Variants in TBC1D12 observed in about 807,000 individuals in gnomAD.
The protein encoded by TBC1D12 is TBC1 domain family member 12.
TBC1D12 carries 56 observed loss-of-function variants against 86.7 expected under a neutral mutation model. That is an observed-to-expected ratio of 0.65 (90% CI 0.52 to 0.81). TBC1D12 has a LOEUF of 0.81. TBC1D12 is among the 30% of genes least tolerant of loss of function. The pLI, the probability that TBC1D12 is intolerant of heterozygous loss-of-function variation, is 0.00. For missense variants in TBC1D12, 1,023 were observed against 1,038.8 expected, an observed-to-expected ratio of 0.98 and a Z score of 0.21; for synonymous variants, 421 against 411.7, an observed-to-expected ratio of 1.02 and a Z score of -0.27.
chr10:94,497,515 C>CTT (rs34789814), intron 5 of TBC1D12, among the ~76,000 whole-genome samples: 541 of 98,056 alleles, frequency 5.5e-3, no homozygotes, highest in Non-Finnish European at 6.7e-3. Context: ...TCTGCTAAAT[C>CTT]TTTTTTTTTT....
chr10:94,471,975 A>C (rs2055913933), intron 2 of TBC1D12, among the ~76,000 whole-genome samples: 1 of 152,174 alleles, frequency 6.6e-6, no homozygotes, highest in Admixed American at 6.5e-5. Flanking sequence ...TGTATACTTC[A>C]TATTGCATCA....
At chr10:94,465,772 A>G (rs1235066946) in intron 2 of TBC1D12, among the ~76,000 whole-genome samples, 1 of 150,102 alleles carries the variant, frequency 6.7e-6, no homozygotes, top group Non-Finnish European at 1.5e-5. Context: ...ACATACGTAT[A>G]CGCATACATA....
At chr10:94,531,512 T>C (rs1211235045) in intron 12 of TBC1D12, 52 bp downstream of exon 12, 2 of 1,492,188 alleles carry the variant, frequency 1.3e-6, no homozygotes, top group South Asian at 1.5e-5. Flanking sequence ...AGTTGACTTA[T>C]TGTAAAAAAG....
At chr10:94,520,142 A>G (rs1160509445) in intron 9 of TBC1D12, among the ~76,000 whole-genome samples, 1 of 152,248 alleles carries the variant, frequency 6.6e-6, no homozygotes, top group African/African-American at 2.4e-5. Context: ...AATGCTGTTA[A>G]GAGAGATAGC....
chr10:94,515,685 A>G (rs2056583621), intron 9 of TBC1D12, among the ~76,000 whole-genome samples: 1 of 152,232 alleles, frequency 6.6e-6, no homozygotes, highest in South Asian at 2.1e-4. Context: ...AACTGCAGAT[A>G]GTGCAGAATC....
At chr10:94,426,679 G>A (rs1402725301) in intron 1 of TBC1D12, among the ~76,000 whole-genome samples, 1 of 152,088 alleles carries the variant, frequency 6.6e-6, no homozygotes, top group East Asian at 1.9e-4. Context: ...CCAGGTTCAA[G>A]CAATTCTCTG....
At chr10:94,515,423 C>T (rs1443664982) in intron 9 of TBC1D12, among the ~76,000 whole-genome samples, 1 of 151,922 alleles carries the variant, frequency 6.6e-6, no homozygotes, top group Non-Finnish European at 1.5e-5. Context: ...TCTTGGCTCA[C>T]TGCACCCTCC....
At chr10:94,529,906 A>G (rs771049764) in intron 11 of TBC1D12, among the ~76,000 whole-genome samples, 1 of 152,184 alleles carries the variant, frequency 6.6e-6, no homozygotes, top group Non-Finnish European at 1.5e-5. Context: ...CTCATTTTGA[A>G]CAGGGAGTTT....
intron 1 of TBC1D12, among the ~76,000 whole-genome samples, chr10:94,416,467 A>G (rs1013014247): frequency 6.6e-5 from 10 of 152,206 alleles, no homozygotes; most frequent in Non-Finnish European, 1.3e-4. Context: ...GAGCCACAAA[A>G]TACAATTCAA....
chr10:94,450,752 G>C (rs2055537915), intron 2 of TBC1D12, among the ~76,000 whole-genome samples: 2 of 152,036 alleles, frequency 1.3e-5, no homozygotes, highest in African/African-American at 4.8e-5. Flanking sequence ...CCAAGATATG[G>C]AATCAGCCTA....
intron 12 of TBC1D12, among the ~76,000 whole-genome samples, 195 bp from the exon 13 acceptor site, chr10:94,532,833 G>A (rs1454856355): frequency 1.3e-5 from 2 of 151,976 alleles, no homozygotes; most frequent in Non-Finnish European, 2.9e-5. Context: ...CAGAATAGTT[G>A]GCAATTGGTA....
chr10:94,403,528 T>C lies in TBC1D12; in HGVS notation c.915T>C (p.Pro305=). The C allele has an allele frequency of 6.5e-7, 1 of 1,536,594 alleles. No individual in the cohort carries two copies. The highest frequency in any genetic ancestry group is 2.5e-5 in the East Asian group (1 of 39,616). ...PVPLPAAEQG[P]AGASARARRS... is the part of the protein sequence containing the mutation. ...CCTTGCCCGCCGCGGAGCAGGGTCC[T>C]GCGGGGGCTTCGGCCCGGGCTCGAC... Residue 305 remains proline, a synonymous_variant, in exon 1 of 13, where the codon CCT becomes CCC. Coordinates refer to ENST00000225235, the MANE Select transcript of TBC1D12 (RefSeq NM_015188.2).
chr10:94,403,702 C>T lies in TBC1D12; in HGVS notation c.971+118C>T, dbSNP rs1039606384. 24 of 1,245,486 alleles carry T rather than the reference C, an allele frequency of 1.9e-5. No homozygotes were observed. In the African/African-American group the frequency reaches 3.7e-4, roughly 19 times the overall value. 77.2% of individuals were successfully genotyped at this position (1,245,486 alleles called of 1,614,324 possible). A position where few individuals can be genotyped will look rare whatever the true frequency, so the allele number is the denominator to read the frequency against. ...AGCGGAGAGCTTGGTCGGCCGCTTC[C>T]GTGCCAGCCCCACACGCGTCAGGAC... is the stretch of plus-strand genomic sequence containing the variant. On this transcript the variant is annotated intron_variant, in intron 1 of 12. Transcript: ENST00000225235.
At chr10:94,417,148 A>G (rs1053107050) in intron 1 of TBC1D12, among the ~76,000 whole-genome samples, 1 of 152,182 alleles carries the variant, frequency 6.6e-6, no homozygotes, top group Non-Finnish European at 1.5e-5. Context: ...GGTGTGGCAG[A>G]TGATTTGCAA....
At chr10:94,467,557 A>G (rs1307343563) in intron 2 of TBC1D12, among the ~76,000 whole-genome samples, 1 of 152,168 alleles carries the variant, frequency 6.6e-6, no homozygotes, top group East Asian at 1.9e-4. Flanking sequence ...TGTCACGCAG[A>G]ATGTTAAGAT....
At chr10:94,403,943 C>T (rs2054813789) in intron 1 of TBC1D12, among the ~76,000 whole-genome samples, 1 of 152,070 alleles carries the variant, frequency 6.6e-6, no homozygotes, top group African/African-American at 2.4e-5. Flanking sequence ...TAACCATCTC[C>T]GTCTCCAATT....
rs12260063 is a variant in TBC1D12 at position 94,533,231 on chromosome 10, T to A, written c.*135T>A. On this transcript the variant is annotated 3_prime_UTR_variant, in exon 13 of 13. Coordinates refer to ENST00000225235, the MANE Select transcript of TBC1D12 (RefSeq NM_015188.2). ...TCAAGAGGTGGAAAACTGCTGATTT[T>A]ACATTTTATGGCTGAAGTAAATGAA... 79,867 of 524,018 alleles carry A rather than the reference T, an allele frequency of 0.15. 6,815 individuals carry two copies. Among genetic ancestry groups the A allele is most frequent in the African/African-American group, 0.21 (10,589 of 50,720 alleles). 32.5% of individuals were successfully genotyped at this position (524,018 alleles called of 1,614,324 possible). A position where few individuals can be genotyped will look rare whatever the true frequency, so the allele number is the denominator to read the frequency against.
At chr10:94,477,509 G>C (rs183145078) in intron 3 of TBC1D12, among the ~76,000 whole-genome samples, 14 of 152,248 alleles carry the variant, frequency 9.2e-5, no homozygotes, top group Non-Finnish European at 1.5e-4. Context: ...GAATACCTGG[G>C]TACAACCTGA....
At chr10:94,410,460 C>T (rs947988508) in intron 1 of TBC1D12, among the ~76,000 whole-genome samples, 10 of 152,004 alleles carry the variant, frequency 6.6e-5, no homozygotes, top group African/African-American at 2.4e-4. Context: ...AGGCTGGTGT[C>T]GAACTCCTGA....
Sources: allele counts gnomAD v4.1 joint callset (sites outside exome capture counted in the v4.1 genomes callset), GRCh38; gene constraint gnomAD v4.1.1; transcripts MANE v1.5; gene names NCBI Gene and HGNC (gene_info 2026-07-23, HGNC 2026-07-21).